ETV5: variants seen among roughly 807,000 people sequenced by gnomAD.
ETV5 encodes ETS translocation variant 5.
A neutral mutation model predicts 70.0 loss-of-function variants in ETV5; 10 were observed. The observed-to-expected ratio is 0.14, with a 90% CI of 0.09 to 0.24. The LOEUF is 0.24. Ranked by LOEUF, ETV5 falls within the 10% of genes least tolerant of loss-of-function variation. ETV5 has a pLI of 1.00. For synonymous variants in ETV5, 216 were observed against 242.2 expected (o/e 0.89, Z 1.01); for missense variants, 453 against 651.2 (o/e 0.70, Z 3.31).
intron 6 of ETV5, 45 bp from the exon 7 acceptor site, chr3:186,080,149 C>G: frequency 7.0e-7 from 1 of 1,427,890 alleles, no homozygotes; most frequent in Non-Finnish European, 9.2e-7. Flanking sequence ...GAAATGAAGC[C>G]ATTAGCATGG....
At chr3:186,088,210 T>A (rs1189280214) in intron 5 of ETV5, among the ~76,000 whole-genome samples, 1 of 152,202 alleles carries the variant, frequency 6.6e-6, no homozygotes, top group African/African-American at 2.4e-5. Context: ...TCAACTGTCA[T>A]TATCCTCTTA....
intron 8 of ETV5, 43 bp downstream of exon 8, chr3:186,065,770 G>A (rs1713425978): frequency 1.2e-6 from 2 of 1,611,944 alleles, no homozygotes; most frequent in East Asian, 4.5e-5. Flanking sequence ...CGAGACAGAA[G>A]AATGCAAGAA....
At chr3:186,064,280 T>A in intron 9 of ETV5, 137 bp downstream of exon 9, 1 of 761,420 alleles carries the variant, frequency 1.3e-6, no homozygotes, top group Non-Finnish European at 2.2e-6. Context: ...GCCTGGAAAC[T>A]GAGCAATTTT....
At chr3:186,064,559 G>A in intron 8 of ETV5, 83 bp from the exon 9 acceptor site, 2 of 1,373,020 alleles carry the variant, frequency 1.5e-6, no homozygotes, top group Non-Finnish European at 2.1e-6. Flanking sequence ...CAGCTCTGTG[G>A]TAAAGCCCCT....
At chr3:186,084,694 A>G (rs1714015704) in intron 5 of ETV5, among the ~76,000 whole-genome samples, 1 of 152,156 alleles carries the variant, frequency 6.6e-6, no homozygotes, top group Non-Finnish European at 1.5e-5. Context: ...CCTGAGGCCC[A>G]ATGGAACTAA....
At chr3:186,078,979 A>T in intron 7 of ETV5, 1 of 902,084 alleles carries the variant, frequency 1.1e-6, no homozygotes, top group Non-Finnish European at 1.4e-6. Context: ...CTCCCGCCCC[A>T]TTGTGGCCCC....
At chr3:186,061,538 T>G (rs183977106) in intron 9 of ETV5, among the ~76,000 whole-genome samples, 1 of 152,296 alleles carries the variant, frequency 6.6e-6, no homozygotes, top group Non-Finnish European at 1.5e-5. Context: ...TTGCCACAGA[T>G]TTTGGGAATC....
chr3:186,050,392 C>A (rs1009142779), intron 12 of ETV5, among the ~76,000 whole-genome samples: 2 of 152,092 alleles, frequency 1.3e-5, no homozygotes, highest in African/African-American at 4.8e-5. Flanking sequence ...GTTACTGTGT[C>A]CTGGGTTGCA....
At chr3:186,078,420 AATG>A (rs1299157562) in intron 7 of ETV5, among the ~76,000 whole-genome samples, 2 of 152,192 alleles carry the variant, frequency 1.3e-5, no homozygotes, top group African/African-American at 2.4e-5. Context: ...TTGAAATAAA[AATG>A]ATATCTAGGC....
intron 7 of ETV5, among the ~76,000 whole-genome samples, chr3:186,069,669 C>T (rs1014051090): frequency 2.0e-5 from 3 of 151,972 alleles, no homozygotes; most frequent in African/African-American, 7.2e-5. Context: ...CAAGTAGCTG[C>T]GATTTTTAGT....
chr3:186,081,301 T>C, intron 5 of ETV5, 126 bp from the exon 6 acceptor site: 1 of 968,740 alleles, frequency 1.0e-6, no homozygotes, highest in Non-Finnish European at 1.4e-6. Context: ...AAGTCACATG[T>C]CAGAAAAAGC....
At position 186,094,120 on chromosome 3, in the gene ETV5, G is replaced by A. The variant is rs537109575; in HGVS notation, c.232+11185C>T. Among the ~76,000 whole-genome samples, 29 of 152,266 alleles carry A rather than the reference G, an allele frequency of 1.9e-4. No individual in the cohort carries two copies. In the South Asian group the frequency reaches 5.4e-3, roughly 28 times the overall value. ...TTCACTTCTATCAGCGAATGATATG[G>A]GTGATTTGTAAAGATTTCTATTCTA... On this transcript the variant is annotated intron_variant, in intron 5 of 12. Coordinates refer to ENST00000306376, the MANE Select transcript of ETV5 (RefSeq NM_004454.3).
chr3:186,095,551 C>A (rs1458742512), intron 5 of ETV5, among the ~76,000 whole-genome samples: 1 of 152,190 alleles, frequency 6.6e-6, no homozygotes, highest in East Asian at 1.9e-4. Context: ...CCCCCAGAAC[C>A]ATTCCCTTCT....
chr3:186,093,534 G>T (rs1714235661), intron 5 of ETV5, among the ~76,000 whole-genome samples: 1 of 152,170 alleles, frequency 6.6e-6, no homozygotes, highest in Non-Finnish European at 1.5e-5. Context: ...CCAGCACAGG[G>T]TATCTGGCAA....
At chr3:186,060,977 C>T (rs1422358132) in intron 9 of ETV5, among the ~76,000 whole-genome samples, 1 of 152,234 alleles carries the variant, frequency 6.6e-6, no homozygotes, top group Non-Finnish European at 1.5e-5. Context: ...CTGTGCCCAT[C>T]ACAGCCAGTG....
In ETV5 at chr3:186,052,468, A is replaced by G. The variant is rs1713055583; in HGVS notation, c.1210-337T>C. On this transcript the variant is annotated intron_variant, in intron 11 of 12. Transcript: ENST00000306376. The surrounding 1 kb of genome is among the most constrained non-coding windows in gnomAD (Gnocchi z 4.5). ...ACCCATAGACCATTAACGTGTTGCC[A>G]TTAAGTGCTATGGTTTCTGTAGCAG... 6.6e-6 allele frequency among the ~76,000 whole-genome samples: 1 copy of G among 152,232 alleles called. No individual in the cohort carries two copies. Among genetic ancestry groups the G allele is most frequent in the African/African-American group, 2.4e-5 (1 of 41,460 alleles).
intron 9 of ETV5, among the ~76,000 whole-genome samples, chr3:186,060,126 A>G (rs1354192058): frequency 6.6e-6 from 1 of 152,250 alleles, no homozygotes; most frequent in African/African-American, 2.4e-5. Flanking sequence ...AGTCATTACA[A>G]GCGAACTACT....
intron 5 of ETV5, among the ~76,000 whole-genome samples, chr3:186,087,098 T>G (rs1350083135): frequency 6.6e-6 from 1 of 152,166 alleles, no homozygotes; most frequent in Non-Finnish European, 1.5e-5. Context: ...TATAAAGATA[T>G]CGATTCTTCC....
chr3:186,068,188 A>G (rs1469537292), intron 7 of ETV5, among the ~76,000 whole-genome samples: 16 of 152,242 alleles, frequency 1.1e-4, no homozygotes, highest in Admixed American at 1.0e-3. Flanking sequence ...TCTAACAAGG[A>G]AACTGGCTAT....
Sources: gnomAD v4.1 joint callset for allele counts (sites outside exome capture counted in the v4.1 genomes callset) on GRCh38, gnomAD v4.1.1 for gene constraint, Gnocchi (gnomAD v3.1) non-coding constraint, MANE v1.5 for transcripts, NCBI Gene and HGNC (gene_info 2026-07-23, HGNC 2026-07-21) for gene names.